Variants in FGF12 observed in about 807,000 individuals in gnomAD.
FGF12 encodes fibroblast growth factor 12B.
A neutral mutation model predicts 23.6 loss-of-function variants in FGF12; 14 were observed. The observed-to-expected ratio is 0.59, with a 90% CI of 0.39 to 0.93. FGF12 has a LOEUF of 0.93. FGF12 is among the 40% of genes least tolerant of loss of function. The probability of loss-of-function intolerance (pLI) is 0.00; values close to 1 mark genes in which losing one functional copy is unlikely to be tolerated. For missense variants in FGF12, 175 were observed against 217.8 expected (o/e 0.80, Z 1.24); for synonymous variants, 62 against 77.3 (o/e 0.80, Z 1.04).
intron 4 of FGF12, among the ~76,000 whole-genome samples, chr3:192,176,474 C>T (rs1433463298): frequency 2.0e-5 from 3 of 152,126 alleles, no homozygotes; most frequent in Non-Finnish European, 2.9e-5. Context: ...CCAGTTTATT[C>T]TTGTTTAAAT....
intron 2 of FGF12, among the ~76,000 whole-genome samples, chr3:192,552,796 C>G (rs904614149): frequency 1.3e-5 from 2 of 152,066 alleles, no homozygotes; most frequent in African/African-American, 4.8e-5. Context: ...GAGGCTGAGG[C>G]ATGAAAATCG....
At chr3:192,332,594 T>C (rs144875343) in intron 4 of FGF12, among the ~76,000 whole-genome samples, 2 of 152,138 alleles carry the variant, frequency 1.3e-5, no homozygotes, top group Admixed American at 1.3e-4. Context: ...CACTCTCTCC[T>C]CCTGCTTCCT....
At chr3:192,326,015 C>T (rs903266394) in intron 4 of FGF12, among the ~76,000 whole-genome samples, 5 of 152,070 alleles carry the variant, frequency 3.3e-5, no homozygotes, top group Non-Finnish European at 7.4e-5. Context: ...TCCAGACAGC[C>T]AGTGAATTAT....
At chr3:192,577,764 T>C (rs1425347249) in intron 2 of FGF12, among the ~76,000 whole-genome samples, 1 of 152,230 alleles carries the variant, frequency 6.6e-6, no homozygotes, top group Non-Finnish European at 1.5e-5. Context: ...CTTTCTAATC[T>C]CACAATGATA....
Position 192,143,831 on chromosome 3 carries a change from T to G in FGF12, c.*178A>C. 1.9e-6 allele frequency: 1 copy of G among 520,520 alleles called. No individual in the cohort carries two copies. 32.2% of individuals were successfully genotyped at this position (520,520 alleles called of 1,614,324 possible). ...TCTACCACATTGCAACAAGCAAGCTTTGGTTCAATTTTCTTGTCCTACACA... is the reference window on the plus strand; with the variant it reads ...TCTACCACATTGCAACAAGCAAGCTGTGGTTCAATTTTCTTGTCCTACACA... On this transcript the variant is annotated 3_prime_UTR_variant, in exon 6 of 6. Coordinates refer to ENST00000445105, the MANE Select transcript of FGF12 (RefSeq NM_004113.6).
intron 4 of FGF12, among the ~76,000 whole-genome samples, chr3:192,323,801 T>C (rs1047746621): frequency 2.0e-5 from 3 of 152,094 alleles, no homozygotes; most frequent in Non-Finnish European, 4.4e-5. Flanking sequence ...TACTAAAATA[T>C]CTCATGTGGC....
intron 4 of FGF12, among the ~76,000 whole-genome samples, chr3:192,291,270 A>G (rs1171384947): frequency 6.6e-6 from 1 of 152,072 alleles, no homozygotes; most frequent in Non-Finnish European, 1.5e-5. Flanking sequence ...AATCTTATGG[A>G]TGTTACTTTT....
chr3:192,462,336 G>C (rs1238682217), intron 2 of FGF12, among the ~76,000 whole-genome samples: 1 of 152,030 alleles, frequency 6.6e-6, no homozygotes, highest in Non-Finnish European at 1.5e-5. Context: ...CTCATGAATG[G>C]ATTAATCCAT....
intron 4 of FGF12, among the ~76,000 whole-genome samples, chr3:192,259,889 A>C (rs1303367774): frequency 6.6e-6 from 1 of 152,158 alleles, no homozygotes; most frequent in African/African-American, 2.4e-5. Flanking sequence ...TTAATGCCAG[A>C]ATTCTTAATA....
chr3:192,384,619 T>C (rs1462116359), intron 2 of FGF12, among the ~76,000 whole-genome samples: 1 of 152,214 alleles, frequency 6.6e-6, no homozygotes, highest in Admixed American at 6.5e-5. Flanking sequence ...TTTTAATACA[T>C]ATATGAAAAT....
At chr3:192,502,863 G>A (rs185786864) in intron 2 of FGF12, among the ~76,000 whole-genome samples, 2 of 152,310 alleles carry the variant, frequency 1.3e-5, no homozygotes, top group East Asian at 1.9e-4. Context: ...GCTCTTCTAG[G>A]GAAGCACATG....
intron 2 of FGF12, among the ~76,000 whole-genome samples, chr3:192,574,420 T>C (rs540153056): frequency 2.6e-5 from 4 of 152,322 alleles, no homozygotes; most frequent in African/African-American, 9.6e-5. Flanking sequence ...GGGGCTATGC[T>C]TCTGACCCTT....
At chr3:192,355,817 G>A (rs1718448675) in intron 3 of FGF12, among the ~76,000 whole-genome samples, 1 of 152,166 alleles carries the variant, frequency 6.6e-6, no homozygotes, top group African/African-American at 2.4e-5. Context: ...ACATAATCTA[G>A]GACAGAGACA....
chr3:192,247,698 T>C (rs1367422850), intron 4 of FGF12, among the ~76,000 whole-genome samples: 1 of 152,142 alleles, frequency 6.6e-6, no homozygotes, highest in Non-Finnish European at 1.5e-5. Context: ...GTATGCAAAA[T>C]TGAAGACGTT....
intron 2 of FGF12, among the ~76,000 whole-genome samples, chr3:192,628,007 T>TGATCTCTA (rs1471652993): frequency 6.6e-6 from 1 of 152,098 alleles, no homozygotes; most frequent in Non-Finnish European, 1.5e-5. Context: ...TTTCCCACCC[T>TGATCTCTA]ACCAACTGAT....
chr3:192,524,417 G>A (rs1014704158), intron 2 of FGF12, among the ~76,000 whole-genome samples: 3 of 152,196 alleles, frequency 2.0e-5, no homozygotes, highest in African/African-American at 7.2e-5. Flanking sequence ...AAAGGGCATA[G>A]GAAAGAGTCT....
At chr3:192,506,841 G>A (rs1724319073) in intron 2 of FGF12, among the ~76,000 whole-genome samples, 1 of 151,536 alleles carries the variant, frequency 6.6e-6, no homozygotes, top group African/African-American at 2.4e-5. Flanking sequence ...GCAAAACAGA[G>A]AGGATATAAC....
intron 4 of FGF12, among the ~76,000 whole-genome samples, chr3:192,286,538 T>C (rs921134600): frequency 1.3e-5 from 2 of 151,996 alleles, no homozygotes; most frequent in South Asian, 2.1e-4. Flanking sequence ...CACATATGCT[T>C]ACAAATGGTA....
chr3:192,710,727 T>G (rs1008124477), intron 2 of FGF12, among the ~76,000 whole-genome samples: 2 of 152,210 alleles, frequency 1.3e-5, no homozygotes, highest in Admixed American at 1.3e-4. Context: ...CCAACTGCTC[T>G]CCACAATCCC....
Sources: gnomAD v4.1 joint callset for allele counts (sites outside exome capture counted in the v4.1 genomes callset) on GRCh38, gnomAD v4.1.1 for gene constraint, MANE v1.5 for transcripts, NCBI Gene and HGNC (gene_info 2026-07-23, HGNC 2026-07-21) for gene names.